The following MEIOB variants were observed in gnomAD, a reference collection of about 807,000 sequenced individuals.
MEIOB encodes the protein meiosis-specific with OB domain-containing protein.
In MEIOB, 50 loss-of-function variants were observed where a neutral mutation model predicts 53.1. The observed-to-expected ratio is 0.94, with a 90% CI of 0.75 to 1.19. The LOEUF is 1.19. MEIOB is among the 50% of genes most tolerant of loss of function. The pLI, the probability that MEIOB is intolerant of heterozygous loss-of-function variation, is 0.00. For missense variants in MEIOB, 551 were observed against 550.8 expected (o/e 1.00, Z 0.00); for synonymous variants, 192 against 182.5 (o/e 1.05, Z -0.42).
At chr16:1,838,342 T>C (rs1473681334) in intron 12 of MEIOB, among the ~76,000 whole-genome samples, 1 of 152,144 alleles carries the variant, frequency 6.6e-6, no homozygotes, top group Non-Finnish European at 1.5e-5. Flanking sequence ...GGAAAGGCTA[T>C]ATAAGCAAAA....
In MEIOB at chr16:1,848,484, G is replaced by A. The variant is rs562912917; in HGVS notation, c.779-3521C>T. On this transcript the variant is annotated intron_variant, in intron 9 of 13. Transcript: ENST00000325962. ...GGTCCCTCCCGCATGTCTGGCATAA[G>A]CCAGCAATAGCAATAAGGAGAATCC... Among the ~76,000 whole-genome samples, 4 of 150,172 alleles carry A rather than the reference G, an allele frequency of 2.7e-5. No homozygotes were observed. In the East Asian group the frequency reaches 7.8e-4, roughly 29 times the overall value.
rs372188213 is a variant in MEIOB at position 1,853,025 on chromosome 16, A to C, written c.778+14T>G. 5 of 1,547,606 alleles carry C rather than the reference A, an allele frequency of 3.2e-6. No homozygotes were observed. Among genetic ancestry groups the C allele is most frequent in the East Asian group, 2.3e-5 (1 of 44,412 alleles). ...CATTTCCAAAGGGATAAAAGGTTTC[A>C]CAAAGTTTTTTACCTGGATTAGTTG... On this transcript the variant is annotated intron_variant, in intron 9 of 13. Coordinates refer to ENST00000325962, the MANE Select transcript of MEIOB (RefSeq NM_001163560.3).
At chr16:1,848,728 G>A (rs59714659) in intron 9 of MEIOB, among the ~76,000 whole-genome samples, 26,527 of 151,626 alleles carry the variant, frequency 0.17, 2,463 homozygotes, top group South Asian at 0.26. Context: ...ATTTTTAGTA[G>A]AGATGATATT....
intron 10 of MEIOB, chr16:1,843,304 T>A (rs1312717582): frequency 2.0e-5 from 3 of 146,654 alleles, no homozygotes; most frequent in Non-Finnish European, 3.0e-5. Flanking sequence ...AAAAATAAAA[T>A]AAAAAAAAAT....
chr16:1,857,842 G>T lies in MEIOB; in HGVS notation c.421C>A (p.His141Asn). Residue 141 changes from histidine to asparagine, a missense_variant, in exon 6 of 14, where the codon CAT becomes AAT. By Grantham distance (68) the His-to-Asn change is moderately conservative (BLOSUM62 1). Transcript: ENST00000325962. ...TCATGAGACTCTTTAACAGGTAAAT[G>T]TATCAAAGAAAGTAACTTTGTGTCC... ...EVDTKLLSLI[H>N]LPVKESHDYY... The T allele has an allele frequency of 6.4e-7, 1 of 1,550,696 alleles. No homozygotes were observed. Among genetic ancestry groups the T allele is most frequent in the Non-Finnish European group, 8.7e-7 (1 of 1,145,962 alleles).
At chr16:1,848,893 G>A (rs1019192142) in intron 9 of MEIOB, among the ~76,000 whole-genome samples, 5 of 152,018 alleles carry the variant, frequency 3.3e-5, no homozygotes, top group African/African-American at 7.2e-5. Context: ...CATGGATTTC[G>A]GGTCCAGGAA....
chr16:1,835,259 T>A (rs1898711168), intron 13 of MEIOB, among the ~76,000 whole-genome samples: 1 of 148,750 alleles, frequency 6.7e-6, no homozygotes, highest in South Asian at 2.1e-4. Flanking sequence ...TGAGACTGTG[T>A]CTCAAAAAAA....
Position 1,872,055 on chromosome 16 carries a change from C to G in MEIOB, c.-72G>C, listed in dbSNP as rs1425137864. 2 of 151,370 alleles carry G rather than the reference C, an allele frequency of 1.3e-5. No homozygotes were observed. Among genetic ancestry groups the G allele is most frequent in the East Asian group, 2.0e-4 (1 of 5,002 alleles). 9.4% of individuals were successfully genotyped at this position (151,370 alleles called of 1,614,324 possible). A position where few individuals can be genotyped will look rare whatever the true frequency, so the allele number is the denominator to read the frequency against. On this transcript the variant is annotated 5_prime_UTR_variant, in exon 1 of 14. Transcript: ENST00000325962. ...CAGCTGCCGCCGCGGCCTCGCGGACCTGGCCCGCCCGACCCCCGGGTCGCC... is the reference window on the plus strand; with the variant it reads ...CAGCTGCCGCCGCGGCCTCGCGGACGTGGCCCGCCCGACCCCCGGGTCGCC...
chr16:1,840,544 A>G (rs1429429487), intron 11 of MEIOB, among the ~76,000 whole-genome samples: 1 of 24,772 alleles, frequency 4.0e-5, no homozygotes, highest in Non-Finnish European at 7.9e-5. Flanking sequence ...CTCTCTTATT[A>G]TTATTTTTTT....
rs748509110 is a variant in MEIOB, at chr16:1,839,316, G to C, written c.1157C>G (p.Thr386Arg). The change falls in exon 12 of 14, where the codon ACA (threonine) becomes AGA (arginine). Residue 386 changes from threonine to arginine, a missense_variant. Transcript: ENST00000325962. ...GAGACTACAGGAATGAAGGGTGCCT[G>C]TGTGATCAGTCAGATCAATCAGCAC... ...FHVLIDLTDH[T>R]GTLHSCSLTG... is the part of the protein sequence containing the mutation. 1 of 1,614,198 alleles carries C rather than the reference G, an allele frequency of 6.2e-7. No homozygotes were observed. The highest frequency in any genetic ancestry group is 1.7e-5 in the Admixed American group (1 of 60,020).
intron 1 of MEIOB, among the ~76,000 whole-genome samples, chr16:1,870,173 G>A (rs528160526): frequency 9.9e-5 from 15 of 152,190 alleles, no homozygotes; most frequent in African/African-American, 2.9e-4. Context: ...AGCCCAGCCC[G>A]GGAAAATTAT....
At chr16:1,862,252 TATG>T (rs1310892857) in intron 3 of MEIOB, 136 bp from the exon 4 acceptor site, 10 of 676,270 alleles carry the variant, frequency 1.5e-5, no homozygotes, top group Non-Finnish European at 2.4e-5. Context: ...AACTATTGAT[TATG>T]ATAATAAAAA....
At chr16:1,838,112 G>C (rs1428180193) in intron 12 of MEIOB, 2 of 638,230 alleles carry the variant, frequency 3.1e-6, no homozygotes, top group Non-Finnish European at 5.4e-6. Flanking sequence ...TCCTCCCTCA[G>C]CTTCCCGTTT....
At chr16:1,865,136 T>C (rs1899552881) in intron 3 of MEIOB, among the ~76,000 whole-genome samples, 1 of 152,070 alleles carries the variant, frequency 6.6e-6, no homozygotes, top group African/African-American at 2.4e-5. Flanking sequence ...TTTGTTTTTT[T>C]TAAATCAACC....
chr16:1,850,596 C>A (rs1278829953), intron 9 of MEIOB, among the ~76,000 whole-genome samples: 1 of 148,070 alleles, frequency 6.8e-6, no homozygotes, highest in African/African-American at 2.5e-5. Context: ...GAATAATAAA[C>A]TATTTTTATT....
chr16:1,869,963 CCAGG>C (rs1899698148), intron 1 of MEIOB, among the ~76,000 whole-genome samples: 1 of 150,262 alleles, frequency 6.7e-6, no homozygotes, highest in Non-Finnish European at 1.5e-5. Context: ...CCTCTACCTC[CCAGG>C]TTCAAGCGAT....
chr16:1,842,798 G>A (rs908777881), intron 10 of MEIOB, among the ~76,000 whole-genome samples: 4 of 150,436 alleles, frequency 2.7e-5, no homozygotes, highest in African/African-American at 9.7e-5. Flanking sequence ...CGAGTAGCTG[G>A]CACTACGGGC....
At chr16:1,842,047 C>T (rs1898925595) in intron 10 of MEIOB, 74 bp from the exon 11 acceptor site, 1 of 1,082,262 alleles carries the variant, frequency 9.2e-7, no homozygotes, top group Non-Finnish European at 1.2e-6. Context: ...GAATGGAAAG[C>T]TATGACAAAT....
At chr16:1,860,004 C>A (rs1054267533) in intron 5 of MEIOB, among the ~76,000 whole-genome samples, 5 of 152,186 alleles carry the variant, frequency 3.3e-5, no homozygotes, top group African/African-American at 1.2e-4. Context: ...TCACCCTCAA[C>A]CAACCACTCC....
Sources: allele counts gnomAD v4.1 joint callset (sites outside exome capture counted in the v4.1 genomes callset), GRCh38; gene constraint gnomAD v4.1.1; transcripts MANE v1.5; gene names NCBI Gene and HGNC (gene_info 2026-07-23, HGNC 2026-07-21).